The following ADCY3 variants were observed in gnomAD, a reference collection of about 807,000 sequenced individuals.
ADCY3 encodes adenylate cyclase 3, also known as adenylate cyclase type 3.
In ADCY3, 70 loss-of-function variants were observed where a neutral mutation model predicts 119.4. The observed-to-expected ratio is 0.59, with a 90% CI of 0.48 to 0.72. The LOEUF is 0.72. Among genes scored for constraint, ADCY3 ranks in the 30% least tolerant of loss-of-function variants. The probability of loss-of-function intolerance (pLI) is 0.00; values close to 1 mark genes in which losing one functional copy is unlikely to be tolerated. For synonymous variants in ADCY3, 672 were observed against 621.4 expected (o/e 1.08, Z -1.21); for missense variants, 1,238 against 1,541.6 (o/e 0.80, Z 3.30).
chr2:24,834,119 G>A lies in ADCY3; in HGVS notation c.1967+366C>T, dbSNP rs1354207198. 6.6e-6 allele frequency among the ~76,000 whole-genome samples: 1 copy of A among 152,182 alleles called. No homozygotes were observed. The highest frequency in any genetic ancestry group is 2.4e-5 in the African/African-American group (1 of 41,442). ...CTTTACCAAGATGAGCCAAGAGAGG[G>A]GCCAGGTCAGCCTTGGTGACTGAGA... On this transcript the variant is annotated intron_variant, in intron 11 of 21. Transcript: ENST00000679454. The surrounding 1 kb of genome is among the most constrained non-coding windows in gnomAD (Gnocchi z 4.2).
At chr2:24,900,595 C>T (rs1302794457) in intron 2 of ADCY3, among the ~76,000 whole-genome samples, 1 of 151,980 alleles carries the variant, frequency 6.6e-6, no homozygotes, top group Non-Finnish European at 1.5e-5. Context: ...TAGTCTACAC[C>T]TAGAGAAAGT....
At chr2:24,883,414 G>T (rs890770852) in intron 2 of ADCY3, among the ~76,000 whole-genome samples, 14 of 152,122 alleles carry the variant, frequency 9.2e-5, no homozygotes, top group African/African-American at 3.4e-4. Flanking sequence ...AGGGAGAGGG[G>T]AGAAGTCAGC....
intron 2 of ADCY3, among the ~76,000 whole-genome samples, chr2:24,887,094 G>A (rs1415055687): frequency 6.6e-6 from 1 of 152,232 alleles, no homozygotes; most frequent in Non-Finnish European, 1.5e-5. Context: ...CTGACTCACA[G>A]TTCAGCATGG....
chr2:24,890,996 CAAGT>C (rs1558505670), intron 2 of ADCY3, among the ~76,000 whole-genome samples: 2 of 152,082 alleles, frequency 1.3e-5, no homozygotes, highest in East Asian at 1.9e-4. Flanking sequence ...CTCAGCCTCC[CAAGT>C]AAGTGGGATT....
Position 24,842,194 on chromosome 2 carries a change from A to G in ADCY3, c.956+60T>C. 4 of 1,607,892 alleles carry G rather than the reference A, an allele frequency of 2.5e-6. No homozygotes were observed. The highest frequency in any genetic ancestry group is 3.4e-6 in the Non-Finnish European group (4 of 1,177,836). ...GCCCACAGCACCTAGCGGGTCCCAC[A>G]AAGATGCAGCCCTCCACAGCCTGCT... is the stretch of plus-strand genomic sequence containing the variant. On this transcript the variant is annotated intron_variant, in intron 4 of 21. Coordinates refer to ENST00000679454, the MANE Select transcript of ADCY3 (RefSeq NM_004036.5). The surrounding 1 kb of genome is among the most constrained non-coding windows in gnomAD (Gnocchi z 4.9).
At chr2:24,862,626 G>A (rs1297908410) in intron 3 of ADCY3, among the ~76,000 whole-genome samples, 6 of 151,916 alleles carry the variant, frequency 3.9e-5, no homozygotes, top group African/African-American at 1.5e-4. Context: ...TTTGGGGGAA[G>A]ATGTTGCGGA....
intron 3 of ADCY3, among the ~76,000 whole-genome samples, chr2:24,851,635 A>T (rs1376816823): frequency 1.3e-5 from 2 of 152,130 alleles, no homozygotes; most frequent in African/African-American, 2.4e-5. Context: ...ACAGATGTGA[A>T]GGTCCCCCCA....
chr2:24,891,981 C>T lies in ADCY3; in HGVS notation c.676-19262G>A, dbSNP rs188102039. Among the ~76,000 whole-genome samples the T allele has an allele frequency of 3.3e-4, 51 of 152,312 alleles. 1 individual carries two copies. Among genetic ancestry groups the T allele is most frequent in the Admixed American group, 3.9e-4 (6 of 15,300 alleles). On this transcript the variant is annotated intron_variant, in intron 2 of 21. Transcript: ENST00000679454. ...ACTGGGGATCCTGGAACAGCCCCCA[C>T]GAATAAGGGGGAACTACTGTATAAG...
At position 24,861,368 on chromosome 2, in the gene ADCY3, T is replaced by C. The variant is rs552715890; in HGVS notation, c.825+11202A>G. ...TTGCAGAGGGTAGATTAACGATTGT[T>C]TTTATAGGAGACACTCATAATTTTT... On this transcript the variant is annotated intron_variant, in intron 3 of 21. Transcript: ENST00000679454. Among the ~76,000 whole-genome samples the C allele has an allele frequency of 1.2e-3, 176 of 152,232 alleles. 1 individual carries two copies. Among genetic ancestry groups the C allele is most frequent in the African/African-American group, 4.1e-3 (170 of 41,540 alleles).
chr2:24,897,267 T>G (rs543916730), intron 2 of ADCY3, among the ~76,000 whole-genome samples: 73 of 151,128 alleles, frequency 4.8e-4, no homozygotes, highest in African/African-American at 1.7e-3. Context: ...CCCCTTCTCC[T>G]CCTCCTCCTC....
rs376859524 is a variant in ADCY3 at position 24,824,355 on chromosome 2, C to T, written c.2736+23G>A. On this transcript the variant is annotated intron_variant, in intron 17 of 21. Transcript: ENST00000679454. Reference sequence around the variant, plus strand: ...ATGGAGACAAATGGCCTCATGGTTCCGGGCTGAGACCACACCCCTCACCTC... The same window carrying T: ...ATGGAGACAAATGGCCTCATGGTTCTGGGCTGAGACCACACCCCTCACCTC... The T allele has an allele frequency of 3.1e-4, 497 of 1,611,404 alleles. 1 individual carries two copies. Among genetic ancestry groups the T allele is most frequent in the Non-Finnish European group, 3.9e-4 (462 of 1,178,154 alleles).
chr2:24,901,980 TACTG>T (rs763246707), intron 2 of ADCY3, among the ~76,000 whole-genome samples: 11 of 151,872 alleles, frequency 7.2e-5, no homozygotes, highest in Non-Finnish European at 7.4e-5. Context: ...TCCTGTATTT[TACTG>T]ACTTTTTATA....
Position 24,836,928 on chromosome 2 carries a change from G to C in ADCY3, c.1651C>G (p.Gln551Glu). 1 of 1,612,782 alleles carries C rather than the reference G, an allele frequency of 6.2e-7. No homozygotes were observed. Among genetic ancestry groups the C allele is most frequent in the Non-Finnish European group, 8.5e-7 (1 of 1,179,822 alleles). Residue 551 changes from glutamine to glutamate, a missense_variant, in exon 9 of 22, where the codon CAG becomes GAG. Around this residue, in one of 7 missense-constraint regions of ADCY3, gnomAD observed 499 missense variants for 571.0 expected, o/e 0.87. Coordinates refer to ENST00000679454, the MANE Select transcript of ADCY3 (RefSeq NM_004036.5). ...AGCCCTGCACATACCTGGGCATCCTGCTCCTCGGGCTTCTCCGACGTGGAC... is the reference window on the plus strand; with the variant it reads ...AGCCCTGCACATACCTGGGCATCCTCCTCCTCGGGCTTCTCCGACGTGGAC... ...SGSTSEKPEE[Q>E]DAQADNPSFP... is the part of the protein sequence containing the mutation.
At chr2:24,831,445 C>T (rs1357604588) in intron 12 of ADCY3, among the ~76,000 whole-genome samples, 2 of 152,214 alleles carry the variant, frequency 1.3e-5, no homozygotes, top group African/African-American at 2.4e-5. Context: ...ACGGCCCAGC[C>T]GTGGCCCACC....
chr2:24,890,370 C>G (rs1173510107), intron 2 of ADCY3, among the ~76,000 whole-genome samples: 3 of 152,174 alleles, frequency 2.0e-5, no homozygotes, highest in African/African-American at 7.2e-5. Context: ...TCCTCTTCTA[C>G]TTTCTGATAA....
In ADCY3 at chr2:24,852,355, A is replaced by AGTG. The variant is rs574316229; in HGVS notation, c.826-9974_826-9972dup. The stretch of plus-strand genomic sequence containing the variant: ...AGGCAGGGGTGGGGGGTACAGGGGC[A>AGTG]GTGGTGGTGGCGGCTCCTAGAGTCC... On this transcript the variant is annotated intron_variant, in intron 3 of 21. Coordinates refer to ENST00000679454, the MANE Select transcript of ADCY3 (RefSeq NM_004036.5). 7.7e-3 allele frequency among the ~76,000 whole-genome samples: 1,168 copies of AGTG among 152,276 alleles called. 2 individuals are homozygous for AGTG. The highest frequency in any genetic ancestry group is 0.026 in the South Asian group (125 of 4,822).
chr2:24,901,684 C>A (rs1678911280), intron 2 of ADCY3, among the ~76,000 whole-genome samples: 1 of 151,782 alleles, frequency 6.6e-6, no homozygotes, highest in Non-Finnish European at 1.5e-5. Context: ...GTGGCTAACA[C>A]CGGTGGTCCT....
chr2:24,821,368 T>C, intron 20 of ADCY3, 149 bp downstream of exon 20: 1 of 1,173,882 alleles, frequency 8.5e-7, no homozygotes, highest in East Asian at 2.4e-5. Context: ...GGACTAAAGG[T>C]CTTTCAGGTC....
chr2:24,868,887 G>A (rs1674633200), intron 3 of ADCY3, among the ~76,000 whole-genome samples: 1 of 151,696 alleles, frequency 6.6e-6, no homozygotes, highest in Non-Finnish European at 1.5e-5. Context: ...AGCCGGGCAT[G>A]GTGGCAGGCA....
Sources: gnomAD v4.1 joint callset for allele counts (sites outside exome capture counted in the v4.1 genomes callset) on GRCh38, gnomAD v4.1.1 for gene constraint, gnomAD v4.1.1 regional missense constraint, Gnocchi (gnomAD v3.1) non-coding constraint, MANE v1.5 for transcripts, NCBI Gene and HGNC (gene_info 2026-07-23, HGNC 2026-07-21) for gene names.